VAPB: variants seen among roughly 807,000 people sequenced by gnomAD.
The protein encoded by VAPB is VAMP associated protein B and C, also known as vesicle-associated membrane protein-associated protein B/C.
In VAPB, 7 loss-of-function variants were observed where a neutral mutation model predicts 25.6. That is an observed-to-expected ratio of 0.27 (90% CI 0.16 to 0.51). The LOEUF is 0.51. Ranked by LOEUF, VAPB falls within the 20% of genes least tolerant of loss-of-function variation. VAPB has a pLI of 0.97. For synonymous variants in VAPB, 112 were observed against 109.2 expected (o/e 1.03, Z -0.16); for missense variants, 266 against 301.3 (o/e 0.88, Z 0.87).
At chr20:58,440,588 C>T in intron 4 of VAPB, 1 of 305,078 alleles carries the variant, frequency 3.3e-6, no homozygotes, top group African/African-American at 2.2e-5. Context: ...AATTCCTGAG[C>T]TTGCACAATT....
At chr20:58,401,036 G>T (rs137905943) in intron 1 of VAPB, among the ~76,000 whole-genome samples, 1 of 152,240 alleles carries the variant, frequency 6.6e-6, no homozygotes, top group East Asian at 1.9e-4. Context: ...TCCCATCTTA[G>T]TGCATAGTTC....
chr20:58,426,457 G>C (rs1202230196), intron 2 of VAPB, among the ~76,000 whole-genome samples: 2 of 152,132 alleles, frequency 1.3e-5, no homozygotes, highest in African/African-American at 4.8e-5. Context: ...AAACGTGTCA[G>C]GCAGGGCCGA....
rs1446721731 is a variant in VAPB, at chr20:58,424,437, G to C, written c.211+6074G>C. Among the ~76,000 whole-genome samples the C allele has an allele frequency of 2.0e-5, 3 of 152,014 alleles. No individual in the cohort carries two copies. In the East Asian group the frequency reaches 5.8e-4, roughly 29 times the overall value. Reference sequence around the variant, plus strand: ...GGGAGCATTCAGAAATAACAGTGGGGAGCTGGAATTCCTTAAGCCTCGGGG... The same window carrying C: ...GGGAGCATTCAGAAATAACAGTGGGCAGCTGGAATTCCTTAAGCCTCGGGG... On this transcript the variant is annotated intron_variant, in intron 2 of 5. Transcript: ENST00000475243.
chr20:58,441,088 T>C lies in VAPB; in HGVS notation c.573+5T>C. 6.2e-7 allele frequency: 1 copy of C among 1,613,550 alleles called. No individual in the cohort carries two copies. Among genetic ancestry groups the C allele is most frequent in the Non-Finnish European group, 8.5e-7 (1 of 1,179,736 alleles). ...GAGGAGAACAAGCAGTTCAAGGTAA[T>C]AGTTTATTTTCTGGTAATCTACAGA... On this transcript the variant is annotated splice_donor_5th_base_variant and intron_variant, in intron 5 of 5. Transcript: ENST00000475243.
At chr20:58,403,804 A>C (rs952405334) in intron 1 of VAPB, among the ~76,000 whole-genome samples, 2 of 152,244 alleles carry the variant, frequency 1.3e-5, no homozygotes, top group Admixed American at 1.3e-4. Flanking sequence ...AGAACACCTC[A>C]AACTCAGCAT....
intron 1 of VAPB, among the ~76,000 whole-genome samples, chr20:58,404,310 C>T (rs866288984): frequency 1.3e-5 from 2 of 152,168 alleles, no homozygotes; most frequent in Non-Finnish European, 2.9e-5. Flanking sequence ...TCACCCCTCT[C>T]GTACCCCTTC....
chr20:58,448,548 AAATC>A lies in VAPB; in HGVS notation c.*4315_*4318del. ...TTAAATCGGGCAACTTTTTAGAACT[AAATC>A]AGTCTCTGTAAGGCCTACATTGCTA... On this transcript the variant is annotated 3_prime_UTR_variant, in exon 6 of 6. Coordinates refer to ENST00000475243, the MANE Select transcript of VAPB (RefSeq NM_004738.5). The A allele has an allele frequency of 2.2e-6, 1 of 454,084 alleles. No homozygotes were observed. Among genetic ancestry groups the A allele is most frequent in the Non-Finnish European group, 4.4e-6 (1 of 226,792 alleles). 28.1% of individuals were successfully genotyped at this position (454,084 alleles called of 1,614,324 possible).
Position 58,450,111 on chromosome 20 carries a change from G to A in VAPB, c.*5876G>A, listed in dbSNP as rs1289320450. On this transcript the variant is annotated 3_prime_UTR_variant, in exon 6 of 6. Coordinates refer to ENST00000475243, the MANE Select transcript of VAPB (RefSeq NM_004738.5). ...CGGTTTTTCCATGTCATACAAAAAA[G>A]TCCTGGCTGTTTCTCCGAACTGGCT... 1 of 453,934 alleles carries A rather than the reference G, an allele frequency of 2.2e-6. No individual in the cohort carries two copies. The highest frequency in any genetic ancestry group is 4.4e-6 in the Non-Finnish European group (1 of 226,784). 28.1% of individuals were successfully genotyped at this position (453,934 alleles called of 1,614,324 possible).
intron 5 of VAPB, 146 bp from the exon 6 acceptor site, chr20:58,443,931 C>T: frequency 9.0e-7 from 1 of 1,115,230 alleles, no homozygotes; most frequent in Non-Finnish European, 1.3e-6. Flanking sequence ...CCTCTGTAGC[C>T]TGCAGTTTCT....
intron 3 of VAPB, among the ~76,000 whole-genome samples, chr20:58,436,234 T>TA (rs1989041280): frequency 1.3e-5 from 2 of 151,280 alleles, no homozygotes; most frequent in African/African-American, 4.9e-5. Flanking sequence ...ATTTTGGAAA[T>TA]ACACAAATGA....
At chr20:58,432,170 G>A (rs1286143678) in intron 2 of VAPB, among the ~76,000 whole-genome samples, 1 of 152,164 alleles carries the variant, frequency 6.6e-6, no homozygotes, top group Non-Finnish European at 1.5e-5. Flanking sequence ...GGAAGGTGAT[G>A]AATGGGAAGG....
rs774176819 is a variant in VAPB, at chr20:58,406,517, G to A, written c.59-11694G>A. ...GATTACACACTAACTGATAAACCAC[G>A]TTCTACTGTTTCTCATCGTTCACAG... is the stretch of plus-strand genomic sequence containing the variant. On this transcript the variant is annotated intron_variant, in intron 1 of 5. Coordinates refer to ENST00000475243, the MANE Select transcript of VAPB (RefSeq NM_004738.5). Among the ~76,000 whole-genome samples, 8 of 152,298 alleles carry A rather than the reference G, an allele frequency of 5.3e-5. No homozygotes were observed. The South Asian group carries it at 6.2e-4, about 12-fold the overall frequency.
intron 1 of VAPB, among the ~76,000 whole-genome samples, chr20:58,402,490 T>C (rs1988120635): frequency 6.6e-6 from 1 of 152,038 alleles, no homozygotes. Context: ...CTCCCACACA[T>C]GTCACAGCAT....
At chr20:58,399,615 C>T (rs917964059) in intron 1 of VAPB, among the ~76,000 whole-genome samples, 5 of 150,894 alleles carry the variant, frequency 3.3e-5, no homozygotes, top group African/African-American at 1.2e-4. Context: ...AATCCGGAGG[C>T]TGAGGGGCAG....
In VAPB at chr20:58,438,872, G is replaced by A. The variant is rs961965472; in HGVS notation, c.316-73G>A. On this transcript the variant is annotated intron_variant, in intron 3 of 5. Transcript: ENST00000475243. ...TCATTAAGAGTATTTTTCTGAAATT[G>A]TCAGTTATAGGAAGAAAGTTATTCT... is the stretch of plus-strand genomic sequence containing the variant. 7.4e-5 allele frequency: 98 copies of A among 1,322,130 alleles called. 1 individual carries two copies. The East Asian group carries it at 8.0e-4, about 11-fold the overall frequency. The allele number at this position is 1,322,130 out of a possible 1,614,324, so 81.9% of individuals were successfully genotyped here.
intron 2 of VAPB, among the ~76,000 whole-genome samples, chr20:58,433,796 C>T (rs79568797): frequency 5.3e-5 from 8 of 152,252 alleles, no homozygotes; most frequent in Admixed American, 3.9e-4. Flanking sequence ...CCACAGTAGG[C>T]TTTCCCTGCA....
intron 1 of VAPB, among the ~76,000 whole-genome samples, chr20:58,400,257 C>T (rs913255789): frequency 6.6e-6 from 1 of 152,150 alleles, no homozygotes; most frequent in Non-Finnish European, 1.5e-5. Context: ...AACTCAGTAC[C>T]TCTAGGTGGT....
At chr20:58,398,023 C>T (rs1332268920) in intron 1 of VAPB, among the ~76,000 whole-genome samples, 3 of 152,154 alleles carry the variant, frequency 2.0e-5, no homozygotes, top group African/African-American at 7.2e-5. Context: ...GGAGTTACAT[C>T]CTCAGAAACC....
At chr20:58,440,648 A>C in intron 4 of VAPB, 1 of 393,524 alleles carries the variant, frequency 2.5e-6, no homozygotes, top group Non-Finnish European at 4.8e-6. Context: ...CAATATACAC[A>C]GCCCTTTTTC....
Sources: allele counts gnomAD v4.1 joint callset (sites outside exome capture counted in the v4.1 genomes callset), GRCh38; gene constraint gnomAD v4.1.1; transcripts MANE v1.5; gene names NCBI Gene and HGNC (gene_info 2026-07-23, HGNC 2026-07-21).